TOB2: variants seen among roughly 807,000 people sequenced by gnomAD.
TOB2 encodes the protein protein Tob2.
Under a neutral mutation model 17.3 loss-of-function variants are expected in TOB2, and 3 were observed. The observed-to-expected ratio is 0.17, with a 90% CI of 0.08 to 0.45. The LOEUF (loss-of-function observed/expected upper bound fraction) is 0.45. Among genes scored for constraint, TOB2 ranks in the 20% least tolerant of loss-of-function variants. The pLI is 0.99. For synonymous variants in TOB2, 163 were observed against 185.6 expected (o/e 0.88, Z 0.99); for missense variants, 407 against 445.7 (o/e 0.91, Z 0.78).
intron 1 of TOB2, among the ~76,000 whole-genome samples, chr22:41,443,849 C>T (rs2146039710): frequency 6.6e-6 from 1 of 151,212 alleles, no homozygotes; most frequent in East Asian, 2.0e-4. Context: ...TCTCGAACTC[C>T]CGACCTCAGG....
In TOB2 at chr22:41,433,564, A is replaced by G. The variant is rs964142476; in HGVS notation, c.*2747T>C. 2.0e-5 allele frequency: 4 copies of G among 203,908 alleles called. No homozygotes were observed. Among genetic ancestry groups the G allele is most frequent in the Admixed American group, 1.6e-4 (3 of 18,464 alleles). 12.6% of individuals were successfully genotyped at this position (203,908 alleles called of 1,614,324 possible). On this transcript the variant is annotated 3_prime_UTR_variant, in exon 2 of 2. Transcript: ENST00000327492. ...AATAGAAACTGTACAGATTTGATCAATCTTTTTGTTTTGTTTTTAAACTAA... is the reference window on the plus strand; with the variant it reads ...AATAGAAACTGTACAGATTTGATCAGTCTTTTTGTTTTGTTTTTAAACTAA...
At position 41,434,704 on chromosome 22, in the gene TOB2, C is replaced by G. The variant is rs41276315; in HGVS notation, c.*1607G>C. On this transcript the variant is annotated 3_prime_UTR_variant, in exon 2 of 2. Coordinates refer to ENST00000327492, the MANE Select transcript of TOB2 (RefSeq NM_016272.4). ...CTTTCTGGTGATTGGGACCCTGATG[C>G]CAAGTGCCCACTTTGCAAAGAAGAA... 0.041 allele frequency: 6,203 copies of G among 152,746 alleles called. 165 individuals are homozygous for G. Among genetic ancestry groups the G allele is most frequent in the Middle Eastern group, 0.17 (50 of 294 alleles). 9.5% of individuals were successfully genotyped at this position (152,746 alleles called of 1,614,324 possible).
In TOB2 at chr22:41,433,703, G is replaced by A. The variant is rs192881080; in HGVS notation, c.*2608C>T. ...AAAAAAGTTCATGACCCTGCTCCCC[G>A]GGCTCCTCTCCAGGCTTGCCTCAAT... On this transcript the variant is annotated 3_prime_UTR_variant, in exon 2 of 2. Transcript: ENST00000327492. 2.8e-3 allele frequency: 1,253 copies of A among 447,502 alleles called. 3 individuals are homozygous for A. Among genetic ancestry groups the A allele is most frequent in the Non-Finnish European group, 4.3e-3 (939 of 217,726 alleles). 27.7% of individuals were successfully genotyped at this position (447,502 alleles called of 1,614,324 possible).
intron 1 of TOB2, among the ~76,000 whole-genome samples, chr22:41,445,834 G>A (rs1330460696): frequency 6.6e-6 from 1 of 152,140 alleles, no homozygotes; most frequent in East Asian, 1.9e-4. Flanking sequence ...CTGGCTCAGT[G>A]GCCCAAGGAC....
intron 1 of TOB2, among the ~76,000 whole-genome samples, chr22:41,437,718 G>A (rs1382988357): frequency 6.6e-6 from 1 of 152,132 alleles, no homozygotes; most frequent in Non-Finnish European, 1.5e-5. Context: ...TTGGGAGGCT[G>A]AGGCAGGTAG....
intron 1 of TOB2, among the ~76,000 whole-genome samples, chr22:41,444,957 G>A (rs569715238): frequency 6.6e-6 from 1 of 152,180 alleles, no homozygotes; most frequent in Non-Finnish European, 1.5e-5. Flanking sequence ...GATTCAAAGG[G>A]AAACGGATCT....
At chr22:41,442,149 A>G (rs1182594629) in intron 1 of TOB2, among the ~76,000 whole-genome samples, 2 of 152,120 alleles carry the variant, frequency 1.3e-5, no homozygotes, top group Non-Finnish European at 2.9e-5. Context: ...CTGGTTCCCT[A>G]GAATGGAACC....
chr22:41,444,504 G>A (rs893877472), intron 1 of TOB2, among the ~76,000 whole-genome samples: 1 of 152,228 alleles, frequency 6.6e-6, no homozygotes, highest in Non-Finnish European at 1.5e-5. Flanking sequence ...CGGACCAGGC[G>A]ATAGCAGGAG....
intron 1 of TOB2, among the ~76,000 whole-genome samples, chr22:41,440,976 T>G (rs999320750): frequency 2.0e-5 from 3 of 152,040 alleles, no homozygotes; most frequent in Non-Finnish European, 4.4e-5. Flanking sequence ...AAATGTCTAT[T>G]AATGATCAAT....
intron 1 of TOB2, among the ~76,000 whole-genome samples, chr22:41,442,956 G>C (rs1231219432): frequency 3.3e-5 from 5 of 152,170 alleles, no homozygotes; most frequent in African/African-American, 1.2e-4. Context: ...CGGCGAAAAA[G>C]GGAGCAAGAA....
Position 41,437,190 on chromosome 22 carries a change from G to C in TOB2, c.156C>G (p.Gly52=). The change falls in exon 2 of 2, where the codon GGC becomes GGG. Residue 52 remains glycine (G), a synonymous_variant. Coordinates refer to ENST00000327492, the MANE Select transcript of TOB2 (RefSeq NM_016272.4). Reference sequence around the variant, plus strand: ...CAATGTGAACACAGCGGAAGCCAGAGCCTTTCAGTGGCTTCTCAGGGTACC... The same window carrying C: ...CAATGTGAACACAGCGGAAGCCAGACCCTTTCAGTGGCTTCTCAGGGTACC... ...GHWYPEKPLK[G]SGFRCVHIGE... is the part of the protein sequence containing the mutation. 6.2e-7 allele frequency: 1 copy of C among 1,614,178 alleles called. No homozygotes were observed. The highest frequency in any genetic ancestry group is 8.5e-7 in the Non-Finnish European group (1 of 1,180,042).
At chr22:41,444,596 G>T (rs1302690079) in intron 1 of TOB2, among the ~76,000 whole-genome samples, 1 of 152,256 alleles carries the variant, frequency 6.6e-6, no homozygotes, top group Non-Finnish European at 1.5e-5. Context: ...CCCGGTAAGG[G>T]GAGCCGACCG....
Position 41,436,996 on chromosome 22 carries a change from C to A in TOB2, c.350G>T (p.Ser117Ile). The A allele has an allele frequency of 6.2e-7, 1 of 1,614,192 alleles. No homozygotes were observed. Among genetic ancestry groups the A allele is most frequent in the Non-Finnish European group, 8.5e-7 (1 of 1,180,040 alleles). Residue 117 changes from serine (S) to isoleucine (I), a missense_variant, in exon 2 of 2, where the codon AGT becomes ATT. Transcript: ENST00000327492. The surrounding 1 kb of genome is among the most constrained non-coding windows in gnomAD (Gnocchi z 4.8). ...CAGCTCTGGGGCACCGCAACCCTCACTGTCATCCAGGTACAGCACTTTCAC... is the reference window on the plus strand; with the variant it reads ...CAGCTCTGGGGCACCGCAACCCTCAATGTCATCCAGGTACAGCACTTTCAC... Reference protein sequence around the residue: ...GAVKVLYLDDSEGCGAPELDK... With the variant: ...GAVKVLYLDDIEGCGAPELDK...
chr22:41,439,068 T>C (rs2037586209), intron 1 of TOB2, among the ~76,000 whole-genome samples: 1 of 152,134 alleles, frequency 6.6e-6, no homozygotes, highest in Non-Finnish European at 1.5e-5. Flanking sequence ...GCCAGCCTCA[T>C]GTCTCAGGAA....
chr22:41,444,722 C>G (rs1373306213), intron 1 of TOB2, among the ~76,000 whole-genome samples: 1 of 152,226 alleles, frequency 6.6e-6, no homozygotes, highest in Non-Finnish European at 1.5e-5. Flanking sequence ...GCCTACTCCC[C>G]GTATTGTATG....
chr22:41,437,276 G>C lies in TOB2; in HGVS notation c.70C>G (p.Arg24Gly). 6.2e-7 allele frequency: 1 copy of C among 1,614,088 alleles called. No individual in the cohort carries two copies. The highest frequency in any genetic ancestry group is 8.5e-7 in the Non-Finnish European group (1 of 1,180,038). Residue 24 changes from arginine to glycine, a missense_variant, in exon 2 of 2, where the codon CGG becomes GGG. Coordinates refer to ENST00000327492, the MANE Select transcript of TOB2 (RefSeq NM_016272.4). Reference sequence around the variant, plus strand: ...AGCTCCTCCCCAAACAGGTCTGCCCGGCGCCGGGGCAGCTTGTTGTACAAG... The same window carrying C: ...AGCTCCTCCCCAAACAGGTCTGCCCCGCGCCGGGGCAGCTTGTTGTACAAG... Reference protein sequence around the residue: ...SYLYNKLPRRRADLFGEELER... With the variant: ...SYLYNKLPRRGADLFGEELER...
Position 41,433,607 on chromosome 22 carries a change from A to C in TOB2, c.*2704T>G. ...TAAACTAAAATCTCTAAACACACCA[A>C]TGTCCCATTCCAAAATATTGCACAA... On this transcript the variant is annotated 3_prime_UTR_variant, in exon 2 of 2. Coordinates refer to ENST00000327492, the MANE Select transcript of TOB2 (RefSeq NM_016272.4). 1 of 240,412 alleles carries C rather than the reference A, an allele frequency of 4.2e-6. No homozygotes were observed. Among genetic ancestry groups the C allele is most frequent in the Non-Finnish European group, 8.9e-6 (1 of 112,892 alleles). The allele number at this position is 240,412 out of a possible 1,614,324, so 14.9% of individuals were successfully genotyped here.
At position 41,446,670 on chromosome 22, in the gene TOB2, C is replaced by A; in HGVS notation, c.-354G>T. 6.6e-6 allele frequency: 1 copy of A among 152,650 alleles called. No homozygotes were observed. Among genetic ancestry groups the A allele is most frequent in the South Asian group, 1.9e-4 (1 of 5,138 alleles). 9.5% of individuals were successfully genotyped at this position (152,650 alleles called of 1,614,324 possible). A position where few individuals can be genotyped will look rare whatever the true frequency, so the allele number is the denominator to read the frequency against. On this transcript the variant is annotated 5_prime_UTR_variant, in exon 1 of 2. Coordinates refer to ENST00000327492, the MANE Select transcript of TOB2 (RefSeq NM_016272.4). ...GGGGATGGCGGATCGGAGGGTGGTT[C>A]GTGTCGCGCAACGGCAGACGGTATG...
intron 1 of TOB2, among the ~76,000 whole-genome samples, chr22:41,441,753 A>G (rs1171170822): frequency 6.6e-6 from 1 of 152,002 alleles, no homozygotes; most frequent in African/African-American, 2.4e-5. Flanking sequence ...CTCTACTAAA[A>G]ATAAAAAATT....
Sources: allele counts gnomAD v4.1 joint callset (sites outside exome capture counted in the v4.1 genomes callset), GRCh38; gene constraint gnomAD v4.1.1; non-coding constraint Gnocchi (gnomAD v3.1); transcripts MANE v1.5; gene names NCBI Gene and HGNC (gene_info 2026-07-23, HGNC 2026-07-21).